Variants in EPHA3 observed in about 807,000 individuals in gnomAD.
EPHA3 encodes the protein ephrin type-A receptor 3.
EPHA3 carries 42 observed loss-of-function variants against 107.1 expected under a neutral mutation model. The observed-to-expected ratio is 0.39, with a 90% CI of 0.31 to 0.51. The LOEUF (loss-of-function observed/expected upper bound fraction) is 0.51. Ranked by LOEUF, EPHA3 falls within the 20% of genes least tolerant of loss-of-function variation. EPHA3 has a pLI of 0.78. For synonymous variants in EPHA3, 461 were observed against 424.8 expected (o/e 1.09, Z -1.05); for missense variants, 1,183 against 1,211.2 (o/e 0.98, Z 0.35).
rs148153436 is a variant in EPHA3, at chr3:89,358,402, A to G, written c.1306+16312A>G. The stretch of plus-strand genomic sequence containing the variant: ...CAGGTTTTCTTTGGCAATAAATAAC[A>G]CACTCAATTACTTGCCTTTTTCTGT... On this transcript the variant is annotated intron_variant, in intron 5 of 16. Transcript: ENST00000336596. 6.5e-4 allele frequency among the ~76,000 whole-genome samples: 98 copies of G among 151,302 alleles called. 6 individuals carry two copies. The highest frequency in any genetic ancestry group is 1.9e-3 in the Admixed American group (28 of 15,122).
At chr3:89,186,489 G>A (rs770281967) in intron 2 of EPHA3, among the ~76,000 whole-genome samples, 2 of 151,854 alleles carry the variant, frequency 1.3e-5, no homozygotes, top group Non-Finnish European at 2.9e-5. Context: ...ACTTTCCACT[G>A]TCACGAATTT....
intron 3 of EPHA3, among the ~76,000 whole-genome samples, chr3:89,241,967 G>A (rs1382424109): frequency 6.6e-6 from 1 of 152,056 alleles, no homozygotes; most frequent in Non-Finnish European, 1.5e-5. Flanking sequence ...TGATAGGAAG[G>A]TAAATAAAAT....
chr3:89,209,497 A>G (rs887168049), intron 2 of EPHA3, among the ~76,000 whole-genome samples: 1 of 152,064 alleles, frequency 6.6e-6, no homozygotes, highest in African/African-American at 2.4e-5. Flanking sequence ...AGTATTATTA[A>G]TTTTTTCTTT....
At chr3:89,384,556 T>C (rs527331289) in intron 5 of EPHA3, among the ~76,000 whole-genome samples, 287 of 152,342 alleles carry the variant, frequency 1.9e-3, no homozygotes, top group African/African-American at 6.7e-3. Context: ...GTGTGAAGCA[T>C]GTATTTTTCA....
At chr3:89,319,140 T>A (rs187834070) in intron 3 of EPHA3, among the ~76,000 whole-genome samples, 70 of 152,140 alleles carry the variant, frequency 4.6e-4, no homozygotes, top group African/African-American at 1.5e-3. Flanking sequence ...TTTCTGATAT[T>A]CTGGTCTAAA....
At chr3:89,429,546 A>T (rs1709521966) in intron 12 of EPHA3, among the ~76,000 whole-genome samples, 1 of 152,178 alleles carries the variant, frequency 6.6e-6, no homozygotes, top group Admixed American at 6.6e-5. Context: ...CTGATATAAG[A>T]CAGCCCATCT....
intron 6 of EPHA3, 27 bp downstream of exon 6, chr3:89,395,988 G>A (rs1279699797): frequency 1.2e-6 from 2 of 1,610,874 alleles, no homozygotes; most frequent in Non-Finnish European, 1.7e-6. Flanking sequence ...TAAGGGTTGG[G>A]CTGTGTAGGC....
intron 3 of EPHA3, among the ~76,000 whole-genome samples, chr3:89,327,228 C>T (rs1196143565): frequency 6.6e-6 from 1 of 151,906 alleles, no homozygotes; most frequent in African/African-American, 2.4e-5. Context: ...GACAAGATTG[C>T]CTTACAAGAT....
intron 5 of EPHA3, among the ~76,000 whole-genome samples, chr3:89,348,808 A>G (rs1707736929): frequency 7.0e-6 from 1 of 143,476 alleles, no homozygotes; most frequent in Admixed American, 7.0e-5. Context: ...AGATTCTGGT[A>G]TGTCGTGTCT....
chr3:89,334,132 A>G (rs1466093944), intron 3 of EPHA3, among the ~76,000 whole-genome samples: 1 of 152,198 alleles, frequency 6.6e-6, no homozygotes, highest in Non-Finnish European at 1.5e-5. Context: ...CTATCATAAC[A>G]TATAGTTTTA....
intron 1 of EPHA3, among the ~76,000 whole-genome samples, chr3:89,111,630 T>C (rs78395991): frequency 0.01 from 1,537 of 151,774 alleles, 30 homozygotes; most frequent in African/African-American, 0.034. Context: ...AACAGGATTA[T>C]CAGCAAATTT....
intron 3 of EPHA3, among the ~76,000 whole-genome samples, chr3:89,318,654 A>T (rs1418496583): frequency 6.6e-6 from 1 of 151,936 alleles, no homozygotes; most frequent in African/African-American, 2.4e-5. Flanking sequence ...ATTTCCAAAC[A>T]CATGCTTACA....
At chr3:89,167,053 A>G (rs1479931447) in intron 2 of EPHA3, among the ~76,000 whole-genome samples, 7 of 152,204 alleles carry the variant, frequency 4.6e-5, no homozygotes, top group Admixed American at 2.0e-4. Flanking sequence ...CAGGAAAATG[A>G]CAGTTTAGTG....
chr3:89,399,657 G>A, intron 7 of EPHA3, 177 bp downstream of exon 7: 1 of 1,265,112 alleles, frequency 7.9e-7, no homozygotes, highest in Non-Finnish European at 9.9e-7. Flanking sequence ...TGTTTGTGTG[G>A]GTGTACATTT....
At chr3:89,239,883 T>C (rs1348639003) in intron 3 of EPHA3, among the ~76,000 whole-genome samples, 1 of 152,144 alleles carries the variant, frequency 6.6e-6, no homozygotes, top group Admixed American at 6.6e-5. Context: ...GTTGAGGTAG[T>C]GCAAAATTAA....
intron 5 of EPHA3, among the ~76,000 whole-genome samples, chr3:89,393,606 T>C (rs1314844914): frequency 6.6e-6 from 1 of 152,190 alleles, no homozygotes; most frequent in Non-Finnish European, 1.5e-5. Flanking sequence ...GAAATGCTCT[T>C]GAAACCAACA....
intron 1 of EPHA3, among the ~76,000 whole-genome samples, chr3:89,114,415 G>C (rs140686652): frequency 0.011 from 1,714 of 152,128 alleles, 21 homozygotes; most frequent in Middle Eastern, 0.02. Flanking sequence ...GGAAAACAAC[G>C]GTGTCTCTCA....
intron 3 of EPHA3, among the ~76,000 whole-genome samples, chr3:89,262,703 T>A (rs775005810): frequency 1.3e-5 from 2 of 151,900 alleles, no homozygotes; most frequent in African/African-American, 2.4e-5. Context: ...CAGGAGGGAG[T>A]GCGTAAGTGA....
At chr3:89,199,425 G>T (rs1249409164) in intron 2 of EPHA3, among the ~76,000 whole-genome samples, 2 of 152,010 alleles carry the variant, frequency 1.3e-5, no homozygotes. Context: ...CTCCTCACAA[G>T]AAAGAAAATT....
Sources: allele counts gnomAD v4.1 joint callset (sites outside exome capture counted in the v4.1 genomes callset), GRCh38; gene constraint gnomAD v4.1.1; transcripts MANE v1.5; gene names NCBI Gene and HGNC (gene_info 2026-07-23, HGNC 2026-07-21).